DISP1: variants seen among roughly 807,000 people sequenced by gnomAD.
DISP1 encodes dispatched RND transporter family member 1.
In DISP1, 30 loss-of-function variants were observed where a neutral mutation model predicts 37.3. The observed-to-expected ratio is 0.80, with a 90% CI of 0.60 to 1.09. The LOEUF is 1.09. Ranked by LOEUF, DISP1 falls within the 50% of genes least tolerant of loss-of-function variation. DISP1 has a pLI of 0.00. For synonymous variants in DISP1, 634 were observed against 690.2 expected, an observed-to-expected ratio of 0.92 and a Z score of 1.28; for missense variants, 1,598 against 1,879.5, an observed-to-expected ratio of 0.85 and a Z score of 2.77.
chr1:222,953,550 C>A (rs1170910491), intron 3 of DISP1, among the ~76,000 whole-genome samples: 1 of 151,960 alleles, frequency 6.6e-6, no homozygotes, highest in Non-Finnish European at 1.5e-5. Context: ...AAACTGAGAG[C>A]CTTTATACTT....
At chr1:222,962,926 A>G (rs1366891915) in intron 3 of DISP1, among the ~76,000 whole-genome samples, 7 of 152,228 alleles carry the variant, frequency 4.6e-5, no homozygotes, top group Non-Finnish European at 1.0e-4. Context: ...AAAATTGACA[A>G]ATGGGATCTA....
intron 1 of DISP1, among the ~76,000 whole-genome samples, chr1:222,819,955 G>C (rs562507500): frequency 3.9e-5 from 6 of 152,022 alleles, no homozygotes; most frequent in African/African-American, 1.4e-4. Flanking sequence ...ATTTAGATCT[G>C]GGAATTAGTT....
At chr1:222,862,025 C>T (rs1009402547) in intron 1 of DISP1, among the ~76,000 whole-genome samples, 1 of 152,166 alleles carries the variant, frequency 6.6e-6, no homozygotes, top group Non-Finnish European at 1.5e-5. Context: ...TTCTGAAAGG[C>T]TGAGCAACCC....
intron 1 of DISP1, among the ~76,000 whole-genome samples, chr1:222,834,644 G>A (rs969380841): frequency 5.9e-5 from 9 of 152,174 alleles, no homozygotes; most frequent in Non-Finnish European, 1.3e-4. Flanking sequence ...TTTTATGTAT[G>A]TAAATCAGCA....
At chr1:223,000,465 G>A (rs1679354601) in intron 8 of DISP1, among the ~76,000 whole-genome samples, 1 of 152,136 alleles carries the variant, frequency 6.6e-6, no homozygotes, top group Non-Finnish European at 1.5e-5. Context: ...TCAAAAATGA[G>A]CTTTAAAATG....
intron 1 of DISP1, among the ~76,000 whole-genome samples, chr1:222,857,289 A>G (rs1668609662): frequency 6.6e-6 from 1 of 152,170 alleles, no homozygotes; most frequent in Admixed American, 6.5e-5. Flanking sequence ...AAAGAAAAAA[A>G]CTGTGATATA....
chr1:222,820,278 A>G (rs1165040495), intron 1 of DISP1, among the ~76,000 whole-genome samples: 1 of 152,210 alleles, frequency 6.6e-6, no homozygotes, highest in Non-Finnish European at 1.5e-5. Flanking sequence ...GAGTAGATAT[A>G]TCATAAAATA....
At chr1:222,824,754 T>C (rs1203123892) in intron 1 of DISP1, among the ~76,000 whole-genome samples, 2 of 152,082 alleles carry the variant, frequency 1.3e-5, no homozygotes, top group African/African-American at 4.8e-5. Context: ...GGGGGGCTAT[T>C]CACATAAAAA....
chr1:222,890,855 T>C (rs61840288), intron 1 of DISP1, among the ~76,000 whole-genome samples: 10,836 of 152,098 alleles, frequency 0.071, 490 homozygotes, highest in Non-Finnish European at 0.098. Context: ...CTGATCTGCC[T>C]TCACATTCAC....
At chr1:222,962,535 C>T (rs1056047610) in intron 3 of DISP1, among the ~76,000 whole-genome samples, 2 of 152,208 alleles carry the variant, frequency 1.3e-5, no homozygotes, top group Non-Finnish European at 2.9e-5. Context: ...AACTTTACCA[C>T]AAGGCTACAG....
intron 1 of DISP1, among the ~76,000 whole-genome samples, chr1:222,881,465 G>C (rs1259516649): frequency 1.3e-5 from 2 of 152,198 alleles, no homozygotes; most frequent in Admixed American, 1.3e-4. Flanking sequence ...CAAAGTGCTG[G>C]GATTACAGAC....
rs57298794 is a variant in DISP1 at position 222,936,702 on chromosome 1, C to G, written c.-17-6105C>G. On this transcript the variant is annotated intron_variant, in intron 2 of 8. Transcript: ENST00000675850. ...AATATATAAAATATATGATATATAT[C>G]ATATATATTATATATCATATATATG... 1.6e-4 allele frequency among the ~76,000 whole-genome samples: 14 copies of G among 85,154 alleles called. 1 individual carries two copies. The highest frequency in any genetic ancestry group is 4.8e-4 in the Admixed American group (3 of 6,278). The allele number at this position is 85,154 out of a possible 152,430, so 55.9% of individuals were successfully genotyped here. A position where few individuals can be genotyped will look rare whatever the true frequency, so the allele number is the denominator to read the frequency against.
At chr1:222,890,127 TGCTTTCTATATGACCA>T (rs1670859226) in intron 1 of DISP1, among the ~76,000 whole-genome samples, 1 of 152,198 alleles carries the variant, frequency 6.6e-6, no homozygotes, top group South Asian at 2.1e-4. Context: ...AATTATTTAT[TGCTTTCTATATGACCA>T]GCTTTCTATA....
chr1:222,897,135 A>G (rs1160893077), intron 1 of DISP1, among the ~76,000 whole-genome samples: 1 of 152,234 alleles, frequency 6.6e-6, no homozygotes, highest in Non-Finnish European at 1.5e-5. Flanking sequence ...AAATTTTGAT[A>G]TAGTCATTCA....
chr1:222,823,631 G>T (rs1175830254), intron 1 of DISP1, among the ~76,000 whole-genome samples: 10 of 152,066 alleles, frequency 6.6e-5, no homozygotes, highest in Admixed American at 6.5e-4. Flanking sequence ...ATATATCCAT[G>T]TAACAAAACT....
At chr1:222,984,269 T>C (rs977015375) in intron 4 of DISP1, among the ~76,000 whole-genome samples, 6 of 151,502 alleles carry the variant, frequency 4.0e-5, no homozygotes, top group Admixed American at 2.0e-4. Flanking sequence ...TAGCCAAGCA[T>C]TGTGGTTTGT....
chr1:222,978,825 A>C (rs1283939535), intron 3 of DISP1, among the ~76,000 whole-genome samples: 1 of 152,106 alleles, frequency 6.6e-6, no homozygotes. Flanking sequence ...AAGATCAGAT[A>C]GTTGTAGATA....
At chr1:222,894,239 G>A (rs1483170749) in intron 1 of DISP1, among the ~76,000 whole-genome samples, 1 of 152,168 alleles carries the variant, frequency 6.6e-6, no homozygotes, top group Non-Finnish European at 1.5e-5. Flanking sequence ...GCTTGAAGGT[G>A]GGGCTTCACC....
At chr1:222,838,265 C>T (rs1383494444) in intron 1 of DISP1, among the ~76,000 whole-genome samples, 1 of 151,950 alleles carries the variant, frequency 6.6e-6, no homozygotes, top group African/African-American at 2.4e-5. Flanking sequence ...TACTGTTTTT[C>T]TATAACTTGT....
Sources: allele counts gnomAD v4.1 joint callset (sites outside exome capture counted in the v4.1 genomes callset), GRCh38; gene constraint gnomAD v4.1.1; transcripts MANE v1.5; gene names NCBI Gene and HGNC (gene_info 2026-07-23, HGNC 2026-07-21).